Variants in KHDRBS2 observed in about 807,000 individuals in gnomAD.
The protein encoded by KHDRBS2 is KH domain-containing, RNA-binding, signal transduction-associated protein 2.
In KHDRBS2, 26 loss-of-function variants were observed where a neutral mutation model predicts 44.3. The ratio of observed to expected loss-of-function variants is 0.59; its 90% CI spans 0.43 to 0.81. KHDRBS2 has a LOEUF of 0.81. Ranked by LOEUF, KHDRBS2 falls within the 40% of genes least tolerant of loss-of-function variation. KHDRBS2 has a pLI of 0.00. For missense variants in KHDRBS2, 476 were observed against 433.1 expected, an observed-to-expected ratio of 1.10 and a Z score of -0.88; for synonymous variants, 194 against 151.1, an observed-to-expected ratio of 1.28 and a Z score of -2.08.
At chr6:61,851,116 A>G (rs1047405882) in intron 6 of KHDRBS2, among the ~76,000 whole-genome samples, 14 of 152,034 alleles carry the variant, frequency 9.2e-5, no homozygotes, top group African/African-American at 3.1e-4. Context: ...CCTCTACAAT[A>G]TTGTTAGGAT....
intron 2 of KHDRBS2, among the ~76,000 whole-genome samples, 173 bp from the exon 3 acceptor site, chr6:62,048,167 A>G (rs1788159689): frequency 7.1e-6 from 1 of 140,916 alleles, no homozygotes; most frequent in Admixed American, 7.0e-5. Context: ...CAAACCCCAA[A>G]CCATTTCAGA....
At chr6:62,117,961 A>G (rs1028720065) in intron 2 of KHDRBS2, among the ~76,000 whole-genome samples, 2 of 152,050 alleles carry the variant, frequency 1.3e-5, no homozygotes, top group African/African-American at 4.8e-5. Context: ...TTTTTAGTAG[A>G]GATGGGGTTT....
In KHDRBS2 at chr6:62,213,873, C is replaced by CAAAAAAAAAAAAAA; in HGVS notation, c.92-36575_92-36562dup. On this transcript the variant is annotated intron_variant, in intron 1 of 8. Transcript: ENST00000281156. ...TGGGTGACAGAGCGAGACTCCATCT[C>CAAAAAAAAAAAAAA]AAAAAAAAAAAAAAAAAAAAAAAAA... 2.1e-3 allele frequency among the ~76,000 whole-genome samples: 88 copies of CAAAAAAAAAAAAAA among 41,512 alleles called. 3 individuals are homozygous for CAAAAAAAAAAAAAA. Among genetic ancestry groups the CAAAAAAAAAAAAAA allele is most frequent in the Admixed American group, 3.5e-3 (7 of 1,986 alleles). 27.2% of individuals were successfully genotyped at this position (41,512 alleles called of 152,430 possible).
At chr6:62,245,343 G>A (rs1835369309) in intron 1 of KHDRBS2, among the ~76,000 whole-genome samples, 1 of 152,032 alleles carries the variant, frequency 6.6e-6, no homozygotes, top group South Asian at 2.1e-4. Flanking sequence ...CGTAGTCCAT[G>A]CAAAGAAAAT....
At chr6:61,558,656 C>G in the KHDRBS2 span, among the ~76,000 whole-genome samples, 1 of 152,252 alleles carries the variant, frequency 6.6e-6, no homozygotes, top group Non-Finnish European at 1.5e-5. Context: ...CAAGTTTCTC[C>G]TTAATTTCTT....
Position 62,087,775 on chromosome 6 carries a change from C to G in KHDRBS2, c.220-39781G>C, listed in dbSNP as rs570118871. On this transcript the variant is annotated intron_variant, in intron 2 of 8. Coordinates refer to ENST00000281156, the MANE Select transcript of KHDRBS2 (RefSeq NM_152688.4). ...TTGGGGAAGTTCTCCTGGATAATAT[C>G]CTGAAGAGTGTTTTCCAACTTGGTT... Among the ~76,000 whole-genome samples the G allele has an allele frequency of 2.0e-5, 3 of 152,242 alleles. No homozygotes were observed. The East Asian group carries it at 5.8e-4, about 29-fold the overall frequency.
At chr6:61,716,339 C>T (rs75743773) in intron 7 of KHDRBS2, among the ~76,000 whole-genome samples, 15 of 152,014 alleles carry the variant, frequency 9.9e-5, no homozygotes, top group African/African-American at 3.4e-4. Flanking sequence ...TGAGCCTTTG[C>T]AGCTGCGGCC....
intron 6 of KHDRBS2, among the ~76,000 whole-genome samples, chr6:61,806,888 T>C (rs1787250496): frequency 6.6e-6 from 1 of 152,188 alleles, no homozygotes; most frequent in Non-Finnish European, 1.5e-5. Context: ...CATGTATATA[T>C]ACATTGTGTG....
intron 2 of KHDRBS2, among the ~76,000 whole-genome samples, chr6:62,114,580 T>A (rs1374509892): frequency 1.3e-5 from 2 of 152,110 alleles, no homozygotes; most frequent in Non-Finnish European, 2.9e-5. Context: ...TATATTATGA[T>A]CTAAGTGATG....
At chr6:61,916,546 T>C (rs906419178) in intron 4 of KHDRBS2, among the ~76,000 whole-genome samples, 4 of 151,966 alleles carry the variant, frequency 2.6e-5, no homozygotes, top group Admixed American at 1.3e-4. Flanking sequence ...TGAAAAATGA[T>C]GCAGGATGAA....
chr6:61,645,597 T>A, the KHDRBS2 span, among the ~76,000 whole-genome samples: 2 of 151,792 alleles, frequency 1.3e-5, no homozygotes, highest in Non-Finnish European at 2.9e-5. Context: ...ATATTTCAGG[T>A]TAATATTTTC....
intron 8 of KHDRBS2, among the ~76,000 whole-genome samples, chr6:61,688,652 T>G (rs753668673): frequency 7.9e-5 from 12 of 151,904 alleles, no homozygotes; most frequent in Non-Finnish European, 1.6e-4. Flanking sequence ...TGAGCCATAG[T>G]TATAGCAATT....
intron 2 of KHDRBS2, among the ~76,000 whole-genome samples, chr6:62,082,880 C>T (rs1328761713): frequency 2.0e-5 from 3 of 152,118 alleles, no homozygotes; most frequent in Non-Finnish European, 4.4e-5. Context: ...CTCAATCCTT[C>T]CTTCAAGTAT....
Position 61,689,524 on chromosome 6 carries a change from T to C in KHDRBS2, c.952+7671A>G, listed in dbSNP as rs1767165970. Among the ~76,000 whole-genome samples, 10 of 151,934 alleles carry C rather than the reference T, an allele frequency of 6.6e-5. No individual in the cohort carries two copies. The Admixed American group carries it at 6.6e-4, about 10-fold the overall frequency. ...TATCTATGGGCATCCCCTTTGTCTC[T>C]TTGCTTGCTCTCTCCAATCTTCTCA... is the stretch of plus-strand genomic sequence containing the variant. On this transcript the variant is annotated intron_variant, in intron 8 of 8. Coordinates refer to ENST00000281156, the MANE Select transcript of KHDRBS2 (RefSeq NM_152688.4).
chr6:62,251,041 T>A (rs1292727882), intron 1 of KHDRBS2, among the ~76,000 whole-genome samples: 3 of 151,958 alleles, frequency 2.0e-5, no homozygotes, highest in Non-Finnish European at 2.9e-5. Context: ...GTTAAATCAT[T>A]GAGGTTGATA....
At chr6:61,902,001 G>A (rs1017616524) in intron 4 of KHDRBS2, among the ~76,000 whole-genome samples, 6 of 151,916 alleles carry the variant, frequency 3.9e-5, no homozygotes, top group South Asian at 4.2e-4. Flanking sequence ...TGTCGCCCAC[G>A]CTGGAGTACA....
At chr6:62,284,660 T>C (rs1318324925) in intron 1 of KHDRBS2, among the ~76,000 whole-genome samples, 2 of 152,172 alleles carry the variant, frequency 1.3e-5, no homozygotes, top group South Asian at 2.1e-4. Context: ...TTATTTCACA[T>C]GTTCCATGTT....
intron 1 of KHDRBS2, among the ~76,000 whole-genome samples, chr6:62,209,523 TGCTACACAGATTGCCATTTAGAAC>T (rs6149616): frequency 0.17 from 26,085 of 152,164 alleles, 2,515 homozygotes; most frequent in African/African-American, 0.26. Flanking sequence ...AAATTGAGAA[TGCTACACAGATTGCCATTTAGAAC>T]TAATATGCCC....
chr6:61,809,398 GAAA>G, intron 6 of KHDRBS2, among the ~76,000 whole-genome samples: 1 of 152,090 alleles, frequency 6.6e-6, no homozygotes, highest in Non-Finnish European at 1.5e-5. Flanking sequence ...TGGTTAGCTA[GAAA>G]CTTGGGCAAC....
Sources: gnomAD v4.1 joint callset for allele counts (sites outside exome capture counted in the v4.1 genomes callset) on GRCh38, gnomAD v4.1.1 for gene constraint, MANE v1.5 for transcripts, NCBI Gene and HGNC (gene_info 2026-07-23, HGNC 2026-07-21) for gene names.